Variants in TNFRSF11A observed in about 807,000 individuals in gnomAD.
TNFRSF11A encodes tumor necrosis factor receptor superfamily member 11A.
In TNFRSF11A, 32 loss-of-function variants were observed where a neutral mutation model predicts 55.7. That is an observed-to-expected ratio of 0.57 (90% CI 0.43 to 0.77). The LOEUF (loss-of-function observed/expected upper bound fraction) is 0.77, where lower values mean the gene tolerates loss of function less well. TNFRSF11A is among the 30% of genes least tolerant of loss of function. The pLI is 0.00. For synonymous variants in TNFRSF11A, 311 were observed against 331.0 expected, an observed-to-expected ratio of 0.94 and a Z score of 0.65; for missense variants, 753 against 809.8, an observed-to-expected ratio of 0.93 and a Z score of 0.85.
intron 1 of TNFRSF11A, among the ~76,000 whole-genome samples, chr18:62,335,597 C>T (rs1043068700): frequency 1.1e-4 from 16 of 151,944 alleles, no homozygotes; most frequent in Non-Finnish European, 1.5e-4. Context: ...GCATGAGTGA[C>T]GGGCACAAAG....
intron 4 of TNFRSF11A, among the ~76,000 whole-genome samples, chr18:62,355,383 TTC>T (rs1165176285): frequency 6.6e-6 from 1 of 152,194 alleles, no homozygotes; most frequent in Non-Finnish European, 1.5e-5. Flanking sequence ...GTTCAAGCGA[TTC>T]TCCTGCCTCA....
chr18:62,341,280 G>A (rs539904643), intron 1 of TNFRSF11A, among the ~76,000 whole-genome samples: 1 of 152,270 alleles, frequency 6.6e-6, no homozygotes, highest in South Asian at 2.1e-4. Context: ...TTCCAATCCC[G>A]TGATAAAGGA....
chr18:62,361,654 A>G (rs372839394), intron 6 of TNFRSF11A, 26 bp from the exon 7 acceptor site: 17 of 1,578,866 alleles, frequency 1.1e-5, no homozygotes, highest in African/African-American at 9.4e-5. Context: ...CTTTACTACC[A>G]TATTTCTCAT....
intron 1 of TNFRSF11A, among the ~76,000 whole-genome samples, chr18:62,340,505 T>A (rs934864382): frequency 4.0e-5 from 6 of 150,796 alleles, no homozygotes; most frequent in Middle Eastern, 3.4e-3. Flanking sequence ...TTTTTTTTTT[T>A]AATCAATTAT....
Position 62,381,591 on chromosome 18 carries a change from G to A in TNFRSF11A, c.1568-3160G>A, listed in dbSNP as rs373608231. On this transcript the variant is annotated intron_variant, in intron 9 of 9. Coordinates refer to ENST00000586569, the MANE Select transcript of TNFRSF11A (RefSeq NM_003839.4). ...AACAGAACCAGCAGGCGATGATGTCGTAGTGAGAACACCTCATGATGGATG... is the reference window on the plus strand; with the variant it reads ...AACAGAACCAGCAGGCGATGATGTCATAGTGAGAACACCTCATGATGGATG... Among the ~76,000 whole-genome samples the A allele has an allele frequency of 3.9e-5, 6 of 152,298 alleles. 1 individual carries two copies. The highest frequency in any genetic ancestry group is 1.4e-4 in the African/African-American group (6 of 41,552).
At chr18:62,350,010 T>A in intron 3 of TNFRSF11A, 73 bp downstream of exon 3, 1 of 1,592,862 alleles carries the variant, frequency 6.3e-7, no homozygotes. Context: ...GAAACATTTT[T>A]AGAGGCAGCC....
intron 1 of TNFRSF11A, among the ~76,000 whole-genome samples, chr18:62,337,827 A>C (rs758992727): frequency 3.3e-5 from 5 of 152,144 alleles, no homozygotes; most frequent in Non-Finnish European, 5.9e-5. Flanking sequence ...TATCCAGAGG[A>C]TCTGAAATTG....
intron 9 of TNFRSF11A, among the ~76,000 whole-genome samples, chr18:62,379,103 G>A (rs573521877): frequency 3.9e-5 from 6 of 152,318 alleles, no homozygotes; most frequent in African/African-American, 1.4e-4. Flanking sequence ...ACAGAAACCT[G>A]GCGTGCTCAC....
Position 62,390,558 on chromosome 18 carries a change from C to G in TNFRSF11A, c.*5524C>G, listed in dbSNP as rs1911956793. 1 of 152,186 alleles carries G rather than the reference C, an allele frequency of 6.6e-6. No individual in the cohort carries two copies. The highest frequency in any genetic ancestry group is 2.1e-4 in the South Asian group (1 of 4,824). The allele number at this position is 152,186 out of a possible 1,614,324, so 9.4% of individuals were successfully genotyped here. A position where few individuals can be genotyped will look rare whatever the true frequency, so the allele number is the denominator to read the frequency against. ...ACTGGAGTCAATGAAAGCTTTTGCT[C>G]TCACCCAGGCTCTTGGTTTCTCACG... On this transcript the variant is annotated 3_prime_UTR_variant, in exon 10 of 10. Coordinates refer to ENST00000586569, the MANE Select transcript of TNFRSF11A (RefSeq NM_003839.4).
chr18:62,333,595 C>G (rs753237468), intron 1 of TNFRSF11A, among the ~76,000 whole-genome samples: 1 of 152,212 alleles, frequency 6.6e-6, no homozygotes, highest in Non-Finnish European at 1.5e-5. Context: ...CACAGAGAGA[C>G]TGATTAACTT....
chr18:62,363,957 G>A (rs941121516), intron 7 of TNFRSF11A, among the ~76,000 whole-genome samples: 1 of 152,168 alleles, frequency 6.6e-6, no homozygotes, highest in African/African-American at 2.4e-5. Flanking sequence ...GATCATCAGG[G>A]ACTGGACTGA....
At chr18:62,337,457 A>C (rs2046251130) in intron 1 of TNFRSF11A, among the ~76,000 whole-genome samples, 1 of 152,216 alleles carries the variant, frequency 6.6e-6, no homozygotes, top group African/African-American at 2.4e-5. Context: ...ATAAATTAGT[A>C]ATCAGTTATG....
intron 3 of TNFRSF11A, among the ~76,000 whole-genome samples, chr18:62,350,175 T>C (rs1358103843): frequency 6.6e-6 from 1 of 152,276 alleles, no homozygotes; most frequent in Non-Finnish European, 1.5e-5. Flanking sequence ...GGACACATCA[T>C]AGACTTGACA....
chr18:62,333,880 T>TC (rs1453936585), intron 1 of TNFRSF11A, among the ~76,000 whole-genome samples: 1 of 151,704 alleles, frequency 6.6e-6, no homozygotes, highest in South Asian at 2.1e-4. Flanking sequence ...CTTTTTTTTT[T>TC]TTGAGAAGGA....
At chr18:62,342,872 T>C (rs995609526) in intron 1 of TNFRSF11A, among the ~76,000 whole-genome samples, 3 of 152,248 alleles carry the variant, frequency 2.0e-5, no homozygotes, top group Admixed American at 2.0e-4. Flanking sequence ...GTATTAATTC[T>C]ACCTTTTATA....
At chr18:62,347,914 CAA>C (rs1199802310) in intron 1 of TNFRSF11A, among the ~76,000 whole-genome samples, 1 of 131,076 alleles carries the variant, frequency 7.6e-6, no homozygotes, top group South Asian at 2.5e-4. Flanking sequence ...AAAAAAAAAA[CAA>C]AAAAACAAAA....
intron 1 of TNFRSF11A, among the ~76,000 whole-genome samples, chr18:62,346,677 A>G (rs1343972418): frequency 6.6e-6 from 1 of 152,220 alleles, no homozygotes; most frequent in Non-Finnish European, 1.5e-5. Context: ...GGGTGAGGTC[A>G]GAAAGGTCCG....
chr18:62,328,405 A>G (rs371065206), intron 1 of TNFRSF11A, among the ~76,000 whole-genome samples: 3 of 151,108 alleles, frequency 2.0e-5, no homozygotes, highest in East Asian at 3.9e-4. Context: ...ACCTAAAAGA[A>G]TCTTACAGAA....
chr18:62,358,576 T>C (rs72933609), intron 5 of TNFRSF11A, among the ~76,000 whole-genome samples: 5,975 of 152,334 alleles, frequency 0.039, 179 homozygotes, highest in Non-Finnish European at 0.061. Flanking sequence ...TGGTAATCTG[T>C]GACTTACGGT....
Sources: gnomAD v4.1 joint callset for allele counts (sites outside exome capture counted in the v4.1 genomes callset) on GRCh38, gnomAD v4.1.1 for gene constraint, MANE v1.5 for transcripts, NCBI Gene and HGNC (gene_info 2026-07-23, HGNC 2026-07-21) for gene names.